Variants in SGCZ observed in about 807,000 individuals in gnomAD.
SGCZ encodes the protein sarcoglycan zeta.
A neutral mutation model predicts 41.3 loss-of-function variants in SGCZ; 40 were observed. The ratio of observed to expected loss-of-function variants is 0.97; its 90% CI spans 0.75 to 1.26. The LOEUF is 1.26. SGCZ is among the 50% of genes most tolerant of loss of function. The pLI, the probability that SGCZ is intolerant of heterozygous loss-of-function variation, is 0.00. For synonymous variants in SGCZ, 206 were observed against 137.5 expected (o/e 1.50, Z -3.49); for missense variants, 552 against 369.8 (o/e 1.49, Z -4.04).
intron 2 of SGCZ, among the ~76,000 whole-genome samples, chr8:14,334,077 G>C (rs1000547126): frequency 6.6e-6 from 1 of 151,992 alleles, no homozygotes; most frequent in African/African-American, 2.4e-5. Context: ...ATATTTGTCT[G>C]TTACTATAAT....
intron 1 of SGCZ, among the ~76,000 whole-genome samples, chr8:14,564,642 T>C (rs1394659774): frequency 6.6e-6 from 1 of 152,194 alleles, no homozygotes; most frequent in Non-Finnish European, 1.5e-5. Flanking sequence ...CCTACTTAAG[T>C]ACTGTAGAAG....
intron 2 of SGCZ, among the ~76,000 whole-genome samples, chr8:14,532,915 C>G (rs1017146768): frequency 2.0e-5 from 3 of 151,922 alleles, no homozygotes; most frequent in African/African-American, 7.3e-5. Context: ...ACAACTCAGT[C>G]TACAACTTTC....
chr8:14,134,738 C>G (rs975281243), intron 5 of SGCZ, among the ~76,000 whole-genome samples: 1 of 152,106 alleles, frequency 6.6e-6, no homozygotes, highest in African/African-American at 2.4e-5. Context: ...ACTTCGTTTT[C>G]TCTGTGTCCT....
chr8:15,120,251 A>AT (rs1807429776), intron 1 of SGCZ, among the ~76,000 whole-genome samples: 1 of 152,218 alleles, frequency 6.6e-6, no homozygotes, highest in Non-Finnish European at 1.5e-5. Context: ...GGATTGTTAT[A>AT]TTTCAAAAAG....
intron 1 of SGCZ, among the ~76,000 whole-genome samples, chr8:14,740,983 C>A (rs1799183963): frequency 6.6e-6 from 1 of 151,968 alleles, no homozygotes; most frequent in East Asian, 1.9e-4. Context: ...GCATAATCTG[C>A]CATTAAAAAT....
chr8:14,798,030 G>A (rs1801195801), intron 1 of SGCZ, among the ~76,000 whole-genome samples: 1 of 152,226 alleles, frequency 6.6e-6, no homozygotes, highest in African/African-American at 2.4e-5. Context: ...GGGCCCTCAT[G>A]GAGAACTCCT....
At chr8:14,531,496 A>C (rs1803129437) in intron 2 of SGCZ, among the ~76,000 whole-genome samples, 1 of 152,006 alleles carries the variant, frequency 6.6e-6, no homozygotes, top group Non-Finnish European at 1.5e-5. Context: ...CCTCCTGCTC[A>C]CCAAACTGCA....
chr8:14,218,924 G>A (rs34633072), intron 4 of SGCZ, among the ~76,000 whole-genome samples: 36,247 of 152,144 alleles, frequency 0.24, 5,558 homozygotes, highest in Non-Finnish European at 0.34. Flanking sequence ...AGTCATCAAA[G>A]CTGATTCTCT....
intron 1 of SGCZ, among the ~76,000 whole-genome samples, chr8:15,012,586 A>ATATATATTATAAAT (rs1563436034): frequency 8.8e-4 from 47 of 53,488 alleles, no homozygotes; most frequent in Admixed American, 3.2e-3. Flanking sequence ...TTTATATAAC[A>ATATATATTATAAAT]TATAAATATA....
At chr8:15,168,097 A>G (rs1489079688) in intron 1 of SGCZ, among the ~76,000 whole-genome samples, 5 of 152,106 alleles carry the variant, frequency 3.3e-5, no homozygotes, top group Admixed American at 3.3e-4. Context: ...GGAGGACTCA[A>G]TTTCACAATT....
chr8:15,173,228 C>T (rs766908258), intron 1 of SGCZ, among the ~76,000 whole-genome samples: 4 of 152,176 alleles, frequency 2.6e-5, no homozygotes, highest in African/African-American at 4.8e-5. Context: ...AATTTACCAT[C>T]TTAGCCATTT....
intron 1 of SGCZ, among the ~76,000 whole-genome samples, chr8:15,201,360 C>G (rs189331245): frequency 1.3e-5 from 2 of 152,258 alleles, no homozygotes; most frequent in South Asian, 4.1e-4. Flanking sequence ...ACACCAGGTA[C>G]CTGCCGATGA....
chr8:14,901,196 C>A (rs1437574515), intron 1 of SGCZ, among the ~76,000 whole-genome samples: 1 of 152,142 alleles, frequency 6.6e-6, no homozygotes, highest in East Asian at 1.9e-4. Flanking sequence ...GGAGACTCTT[C>A]TATTATCCTT....
chr8:14,559,077 G>A (rs1329144887), intron 1 of SGCZ, among the ~76,000 whole-genome samples: 1 of 152,048 alleles, frequency 6.6e-6, no homozygotes, highest in African/African-American at 2.4e-5. Context: ...AACAAGATAA[G>A]GATGTCCCCT....
chr8:14,137,639 A>G (rs1233131276), intron 5 of SGCZ, among the ~76,000 whole-genome samples: 4 of 152,224 alleles, frequency 2.6e-5, no homozygotes, highest in Admixed American at 6.5e-5. Context: ...AAAAAAGAGT[A>G]AAAAGAAATG....
chr8:14,558,349 T>G (rs1804096375), intron 1 of SGCZ, among the ~76,000 whole-genome samples: 2 of 151,938 alleles, frequency 1.3e-5, no homozygotes, highest in Non-Finnish European at 2.9e-5. Flanking sequence ...CCAAGGCAGG[T>G]GGATCACTTG....
intron 1 of SGCZ, among the ~76,000 whole-genome samples, chr8:14,823,969 G>T (rs1802201198): frequency 6.6e-6 from 1 of 151,768 alleles, no homozygotes; most frequent in African/African-American, 2.4e-5. Flanking sequence ...CATGAAATAA[G>T]CCAGATACAG....
intron 1 of SGCZ, among the ~76,000 whole-genome samples, chr8:15,067,428 G>T (rs753260855): frequency 8.5e-5 from 13 of 152,082 alleles, no homozygotes; most frequent in Non-Finnish European, 1.6e-4. Flanking sequence ...TATCCCTACT[G>T]TACTGATAAA....
intron 1 of SGCZ, among the ~76,000 whole-genome samples, chr8:14,781,449 A>G (rs1400481269): frequency 6.6e-6 from 1 of 152,038 alleles, no homozygotes; most frequent in East Asian, 1.9e-4. Flanking sequence ...GGCTGGTCTC[A>G]AACCCCTGGA....
Sources: gnomAD v4.1 joint callset for allele counts (sites outside exome capture counted in the v4.1 genomes callset) on GRCh38, gnomAD v4.1.1 for gene constraint, MANE v1.5 for transcripts, NCBI Gene and HGNC (gene_info 2026-07-23, HGNC 2026-07-21) for gene names.